Variants in SLC22A3 observed in about 807,000 individuals in gnomAD.
SLC22A3 encodes solute carrier family 22 member 3.
In SLC22A3, 51 loss-of-function variants were observed where a neutral mutation model predicts 59.1. That is an observed-to-expected ratio of 0.86 (90% CI 0.69 to 1.09). The LOEUF (loss-of-function observed/expected upper bound fraction) is 1.09, where lower values mean the gene tolerates loss of function less well. Ranked by LOEUF, SLC22A3 falls within the 50% of genes least tolerant of loss-of-function variation. The probability of loss-of-function intolerance (pLI) is 0.00; values close to 1 mark genes in which losing one functional copy is unlikely to be tolerated. For missense variants in SLC22A3, 711 were observed against 726.3 expected, an observed-to-expected ratio of 0.98 and a Z score of 0.24; for synonymous variants, 325 against 292.0, an observed-to-expected ratio of 1.11 and a Z score of -1.15.
chr6:160,382,530 A>T (rs1232059064), intron 1 of SLC22A3, among the ~76,000 whole-genome samples: 1 of 152,212 alleles, frequency 6.6e-6, no homozygotes, highest in South Asian at 2.1e-4. Context: ...CAGAACAATA[A>T]GCCAATGATC....
At chr6:160,376,525 AT>A (rs11290479) in intron 1 of SLC22A3, among the ~76,000 whole-genome samples, 49,552 of 151,846 alleles carry the variant, frequency 0.33, 8,386 homozygotes, top group African/African-American at 0.42. Flanking sequence ...CTAAACTAAA[AT>A]TTTTTTTTAA....
intron 5 of SLC22A3, among the ~76,000 whole-genome samples, chr6:160,413,952 A>G (rs904797888): frequency 6.6e-6 from 1 of 151,994 alleles, no homozygotes; most frequent in African/African-American, 2.4e-5. Context: ...TTTTCATTTC[A>G]TTCCAACTTT....
intron 3 of SLC22A3, among the ~76,000 whole-genome samples, chr6:160,407,933 A>G (rs766402405): frequency 6.6e-6 from 1 of 152,090 alleles, no homozygotes; most frequent in Non-Finnish European, 1.5e-5. Context: ...CTGCTATACA[A>G]TCTCCAAGCA....
At chr6:160,400,168 C>T (rs1200636609) in intron 2 of SLC22A3, among the ~76,000 whole-genome samples, 1 of 145,480 alleles carries the variant, frequency 6.9e-6, no homozygotes, top group South Asian at 2.2e-4. Flanking sequence ...CCCTCATGCT[C>T]TGGCAGCCAG....
chr6:160,351,705 G>T (rs1287881470), intron 1 of SLC22A3, among the ~76,000 whole-genome samples: 1 of 152,178 alleles, frequency 6.6e-6, no homozygotes, highest in Non-Finnish European at 1.5e-5. Context: ...GGTGAATTGG[G>T]AGAGTTTACA....
In SLC22A3 at chr6:160,410,828, C is replaced by A; in HGVS notation, c.957C>A (p.Leu319=). 1 of 1,603,110 alleles carries A rather than the reference C, an allele frequency of 6.2e-7. No homozygotes were observed. The highest frequency in any genetic ancestry group is 8.5e-7 in the Non-Finnish European group (1 of 1,170,492). The change falls in exon 5 of 11, where the codon CTC becomes CTA. Residue 319 remains leucine, a synonymous_variant. Transcript: ENST00000275300. ...RRIAKCNGKY[L]SSNYSEITVT... ...TTGCTAAGTGCAATGGGAAATACCT[C>A]TCATCAAATTACTCAGAGGTAATTT...
chr6:160,419,806 TA>T, intron 5 of SLC22A3, among the ~76,000 whole-genome samples: 1 of 152,294 alleles, frequency 6.6e-6, no homozygotes, highest in Non-Finnish European at 1.5e-5. Context: ...CTTGAATGCA[TA>T]AAAATATGTC....
At chr6:160,411,861 A>G (rs1787265676) in intron 5 of SLC22A3, among the ~76,000 whole-genome samples, 1 of 152,232 alleles carries the variant, frequency 6.6e-6, no homozygotes, top group Non-Finnish European at 1.5e-5. Flanking sequence ...TAATTAGAGA[A>G]TAGCATATAA....
intron 10 of SLC22A3, among the ~76,000 whole-genome samples, chr6:160,448,165 C>T (rs1788817069): frequency 6.6e-6 from 1 of 152,118 alleles, no homozygotes. Flanking sequence ...GTGGCTTACT[C>T]TACAGAGTGA....
At chr6:160,417,420 A>G (rs1442219459) in intron 5 of SLC22A3, among the ~76,000 whole-genome samples, 1 of 152,188 alleles carries the variant, frequency 6.6e-6, no homozygotes, top group Non-Finnish European at 1.5e-5. Context: ...CTACTGCTCA[A>G]TGTGTCTGCA....
chr6:160,422,402 G>T (rs1224941913), intron 5 of SLC22A3, among the ~76,000 whole-genome samples: 1 of 152,184 alleles, frequency 6.6e-6, no homozygotes, highest in African/African-American at 2.4e-5. Flanking sequence ...TCCCTAGAAA[G>T]AATTAAAATT....
intron 5 of SLC22A3, among the ~76,000 whole-genome samples, chr6:160,416,089 A>T (rs1787477271): frequency 6.6e-6 from 1 of 152,182 alleles, no homozygotes; most frequent in Non-Finnish European, 1.5e-5. Context: ...TTTCATGGGT[A>T]GGCAAACTCT....
At chr6:160,363,096 T>C (rs1455557561) in intron 1 of SLC22A3, among the ~76,000 whole-genome samples, 1 of 152,234 alleles carries the variant, frequency 6.6e-6, no homozygotes, top group African/African-American at 2.4e-5. Context: ...ATGCGCACAG[T>C]GTTGCCGAGG....
chr6:160,401,460 TTA>T (rs1450708996), intron 2 of SLC22A3, among the ~76,000 whole-genome samples: 1 of 151,956 alleles, frequency 6.6e-6, no homozygotes, highest in Non-Finnish European at 1.5e-5. Flanking sequence ...AAGTTATCAT[TTA>T]AAAGTGAAGG....
chr6:160,421,196 C>T lies in SLC22A3; in HGVS notation c.975+10350C>T, dbSNP rs187206590. 3.3e-5 allele frequency among the ~76,000 whole-genome samples: 5 copies of T among 152,338 alleles called. No homozygotes were observed. In the East Asian group the frequency reaches 9.7e-4, roughly 29 times the overall value. Reference sequence around the variant, plus strand: ...CCCATTTCCCAGACAAGTACCCAGGCCACAGACAGCAGGGCCAGCCCACGG... The same window carrying T: ...CCCATTTCCCAGACAAGTACCCAGGTCACAGACAGCAGGGCCAGCCCACGG... On this transcript the variant is annotated intron_variant, in intron 5 of 10. Transcript: ENST00000275300.
chr6:160,394,121 T>A (rs1018573689), intron 1 of SLC22A3, among the ~76,000 whole-genome samples: 1 of 152,210 alleles, frequency 6.6e-6, no homozygotes, highest in Non-Finnish European at 1.5e-5. Context: ...TTGCTTAATG[T>A]TTTTGCATGT....
rs894862887 is a variant in SLC22A3 at position 160,425,825 on chromosome 6, G to C, written c.976-10955G>C. 12 of 985,214 alleles carry C rather than the reference G, an allele frequency of 1.2e-5. No individual in the cohort carries two copies. The African/African-American group carries it at 2.1e-4, about 17-fold the overall frequency. The allele number at this position is 985,214 out of a possible 1,614,324, so 61.0% of individuals were successfully genotyped here. On this transcript the variant is annotated intron_variant, in intron 5 of 10. Coordinates refer to ENST00000275300, the MANE Select transcript of SLC22A3 (RefSeq NM_021977.4). ...GTCACCGTTCAAAGTTGAATAAATA[G>C]TGAACACAATATAACATTAATGCAG...
intron 1 of SLC22A3, among the ~76,000 whole-genome samples, chr6:160,359,371 C>T (rs566387555): frequency 5.9e-5 from 9 of 152,226 alleles, no homozygotes; most frequent in South Asian, 2.1e-4. Flanking sequence ...ACTTAATTTA[C>T]GAAAGTAGTT....
chr6:160,392,858 C>G (rs561548672), intron 1 of SLC22A3, among the ~76,000 whole-genome samples: 1 of 151,986 alleles, frequency 6.6e-6, no homozygotes, highest in African/African-American at 2.4e-5. Flanking sequence ...CAAAATGTAG[C>G]CAGGAGCACA....
Sources: gnomAD v4.1 joint callset for allele counts (sites outside exome capture counted in the v4.1 genomes callset) on GRCh38, gnomAD v4.1.1 for gene constraint, MANE v1.5 for transcripts, NCBI Gene and HGNC (gene_info 2026-07-23, HGNC 2026-07-21) for gene names.